Variants in EYA3 observed in about 807,000 individuals in gnomAD.
The protein encoded by EYA3 is EYA transcriptional coactivator and phosphatase 3.
A neutral mutation model predicts 80.0 loss-of-function variants in EYA3; 39 were observed. The observed-to-expected ratio is 0.49, with a 90% CI of 0.38 to 0.64. EYA3 has a LOEUF of 0.64. EYA3 is among the 30% of genes least tolerant of loss of function. The probability of loss-of-function intolerance (pLI) is 0.00; values close to 1 mark genes in which losing one functional copy is unlikely to be tolerated. For synonymous variants in EYA3, 206 were observed against 232.8 expected, an observed-to-expected ratio of 0.88 and a Z score of 1.05; for missense variants, 523 against 676.1, an observed-to-expected ratio of 0.77 and a Z score of 2.51.
chr1:28,073,127 A>ATATATATATATATATATATTTTT (rs1553157671), intron 1 of EYA3, among the ~76,000 whole-genome samples: 3 of 14,998 alleles, frequency 2.0e-4, no homozygotes, highest in Non-Finnish European at 3.4e-4. Flanking sequence ...ATATATATAT[A>ATATATATATATATATATATTTTT]TTTTTTTTTT....
chr1:28,078,741 T>C (rs777866229), intron 1 of EYA3, among the ~76,000 whole-genome samples: 4 of 152,144 alleles, frequency 2.6e-5, no homozygotes, highest in Non-Finnish European at 5.9e-5. Flanking sequence ...TTTCAATAAG[T>C]CTATAAAATA....
chr1:28,085,393 G>A (rs989944536), intron 1 of EYA3, among the ~76,000 whole-genome samples: 3 of 152,160 alleles, frequency 2.0e-5, no homozygotes, highest in Non-Finnish European at 4.4e-5. Flanking sequence ...GGGCTGCAGT[G>A]AGCCGAGATC....
At chr1:28,035,725 AGTAACGAAAAATAG>A in intron 5 of EYA3, 45 bp from the exon 6 acceptor site, 1 of 1,596,578 alleles carries the variant, frequency 6.3e-7, no homozygotes, top group Non-Finnish European at 8.6e-7. Flanking sequence ...GATTTACTTT[AGTAACGAAAAATAG>A]GTAAAATAGC....
intron 7 of EYA3, among the ~76,000 whole-genome samples, chr1:28,025,971 C>T (rs1214655082): frequency 6.6e-6 from 1 of 152,096 alleles, no homozygotes. Context: ...GTTGGTCAGG[C>T]TGGTCTCCAA....
Position 28,009,618 on chromosome 1 carries a change from C to T in EYA3, c.909+1329G>A, listed in dbSNP as rs752278421. 5.4e-5 allele frequency among the ~76,000 whole-genome samples: 8 copies of T among 149,042 alleles called. No homozygotes were observed. Among genetic ancestry groups the T allele is most frequent in the Non-Finnish European group, 1.5e-5 (1 of 66,782 alleles). On this transcript the variant is annotated intron_variant, in intron 10 of 17. Transcript: ENST00000373871. This position sits in a 1 kb window ranked among gnomAD's most constrained non-coding sequence, Gnocchi z 4.8. ...TAAGCCGAGATCGTGCCACTGCACTCCAGCCTGAGACTCCATCTCAAAACA... is the reference window on the plus strand; with the variant it reads ...TAAGCCGAGATCGTGCCACTGCACTTCAGCCTGAGACTCCATCTCAAAACA...
Position 27,970,795 on chromosome 1 carries a change from G to A in EYA3, c.*3671C>T, listed in dbSNP as rs1444767611. The A allele has an allele frequency of 6.6e-6, 1 of 152,178 alleles. No homozygotes were observed. Among genetic ancestry groups the A allele is most frequent in the Non-Finnish European group, 1.5e-5 (1 of 68,040 alleles). 9.4% of individuals were successfully genotyped at this position (152,178 alleles called of 1,614,324 possible). A position where few individuals can be genotyped will look rare whatever the true frequency, so the allele number is the denominator to read the frequency against. On this transcript the variant is annotated 3_prime_UTR_variant, in exon 18 of 18. Transcript: ENST00000373871. The stretch of plus-strand genomic sequence containing the variant: ...TAAGAAATAGAAGCCTGCTTAAGAG[G>A]GACCCTAACTGCCTCCTTGAGGAGT...
chr1:28,055,674 T>C (rs1644414280), intron 2 of EYA3, among the ~76,000 whole-genome samples: 1 of 152,098 alleles, frequency 6.6e-6, no homozygotes, highest in Admixed American at 6.5e-5. Flanking sequence ...TCTCCCCATG[T>C]TGGCCAGGCT....
Position 28,002,929 on chromosome 1 carries a change from T to A in EYA3, c.993+1407A>T, listed in dbSNP as rs566135523. On this transcript the variant is annotated intron_variant, in intron 11 of 17. Transcript: ENST00000373871. ...TGAGGCTGGAGTTCGAGTCCAGCCTTGCCAACATGGTAAAACCCTGTCTCT... is the reference window on the plus strand; with the variant it reads ...TGAGGCTGGAGTTCGAGTCCAGCCTAGCCAACATGGTAAAACCCTGTCTCT... Among the ~76,000 whole-genome samples, 3 of 151,710 alleles carry A rather than the reference T, an allele frequency of 2.0e-5. No individual in the cohort carries two copies. The East Asian group carries it at 5.8e-4, about 29-fold the overall frequency.
chr1:28,074,094 A>AG (rs1645122621), intron 1 of EYA3, among the ~76,000 whole-genome samples: 1 of 152,234 alleles, frequency 6.6e-6, no homozygotes, highest in Non-Finnish European at 1.5e-5. Flanking sequence ...ATGAGTACAG[A>AG]GATTGAAATG....
intron 17 of EYA3, among the ~76,000 whole-genome samples, chr1:27,976,445 G>A (rs749967207): frequency 9.9e-5 from 15 of 151,874 alleles, no homozygotes; most frequent in Non-Finnish European, 1.5e-4. Context: ...GGGCGATGGA[G>A]TGAGACTCCA....
At chr1:28,067,180 A>G (rs1160330204) in intron 1 of EYA3, among the ~76,000 whole-genome samples, 1 of 152,210 alleles carries the variant, frequency 6.6e-6, no homozygotes, top group Non-Finnish European at 1.5e-5. Flanking sequence ...TTAGGTGCTC[A>G]CCCAAGAATT....
intron 3 of EYA3, among the ~76,000 whole-genome samples, chr1:28,044,611 G>C (rs941043677): frequency 1.3e-5 from 2 of 152,156 alleles, no homozygotes; most frequent in African/African-American, 4.8e-5. Flanking sequence ...TCAAAGGTAA[G>C]AGTAGTTTCT....
rs1173842687 is a variant in EYA3 at position 28,014,417 on chromosome 1, CAAAAAA to C, written c.586-1129_586-1124del. Among the ~76,000 whole-genome samples the C allele has an allele frequency of 6.8e-3, 334 of 49,474 alleles. 7 individuals are homozygous for C. Among genetic ancestry groups the C allele is most frequent in the East Asian group, 0.059 (121 of 2,068 alleles). 32.5% of individuals were successfully genotyped at this position (49,474 alleles called of 152,430 possible). On this transcript the variant is annotated intron_variant, in intron 8 of 17. Coordinates refer to ENST00000373871, the MANE Select transcript of EYA3 (RefSeq NM_001990.4). ...CTCTAGCCTAGGTGACACACTGTCTCAAAAAAAAAAAAAAAAAAAAAAAAAAAAGGC... is the reference window on the plus strand; with the variant it reads ...CTCTAGCCTAGGTGACACACTGTCTCAAAAAAAAAAAAAAAAAAAAAAGGC...
chr1:28,087,551 A>C (rs1414673930), intron 1 of EYA3, among the ~76,000 whole-genome samples: 1 of 152,204 alleles, frequency 6.6e-6, no homozygotes, highest in Admixed American at 6.5e-5. Flanking sequence ...CACTTTTCGG[A>C]AACAACACAA....
At position 28,017,136 on chromosome 1, in the gene EYA3, A is replaced by C; in HGVS notation, c.585+18T>G. Reference sequence around the variant, plus strand: ...GGATGAACTCTATCAAACAGGATGAACAAAGGTAGCATCATACCTGGTTTG... The same window carrying C: ...GGATGAACTCTATCAAACAGGATGACCAAAGGTAGCATCATACCTGGTTTG... On this transcript the variant is annotated intron_variant, in intron 8 of 17. Transcript: ENST00000373871. 2 of 1,598,676 alleles carry C rather than the reference A, an allele frequency of 1.3e-6. No homozygotes were observed. The highest frequency in any genetic ancestry group is 2.7e-5 in the African/African-American group (2 of 74,748).
intron 7 of EYA3, among the ~76,000 whole-genome samples, chr1:28,021,121 GT>G (rs1642408680): frequency 6.6e-6 from 1 of 152,148 alleles, no homozygotes; most frequent in Non-Finnish European, 1.5e-5. Context: ...GCAAGATTTA[GT>G]TTTTACCCAC....
At chr1:28,040,931 G>A (rs988258142) in intron 4 of EYA3, among the ~76,000 whole-genome samples, 5 of 152,164 alleles carry the variant, frequency 3.3e-5, no homozygotes, top group East Asian at 1.9e-4. Context: ...GATAAAAAGG[G>A]AAGACCGTGA....
At chr1:27,987,340 C>A (rs1639728819) in intron 16 of EYA3, among the ~76,000 whole-genome samples, 1 of 152,222 alleles carries the variant, frequency 6.6e-6, no homozygotes, top group African/African-American at 2.4e-5. Context: ...GTGTATACCA[C>A]ATTTTGTTTA....
intron 1 of EYA3, among the ~76,000 whole-genome samples, chr1:28,087,557 C>A (rs140554154): frequency 3.2e-4 from 48 of 152,320 alleles, no homozygotes; most frequent in African/African-American, 1.1e-3. Context: ...TCGGAAACAA[C>A]ACAATAAATT....
Sources: allele counts gnomAD v4.1 joint callset (sites outside exome capture counted in the v4.1 genomes callset), GRCh38; gene constraint gnomAD v4.1.1; non-coding constraint Gnocchi (gnomAD v3.1); transcripts MANE v1.5; gene names NCBI Gene and HGNC (gene_info 2026-07-23, HGNC 2026-07-21).